Variants in CACNA2D1 observed in about 807,000 individuals in gnomAD.
CACNA2D1 encodes the protein voltage-dependent calcium channel subunit alpha-2/delta-1.
Under a neutral mutation model 171.5 loss-of-function variants are expected in CACNA2D1, and 53 were observed. That is an observed-to-expected ratio of 0.31 (90% CI 0.25 to 0.39). The LOEUF is 0.39. CACNA2D1 is among the 10% of genes least tolerant of loss of function. The pLI, the probability that CACNA2D1 is intolerant of heterozygous loss-of-function variation, is 1.00. For missense variants in CACNA2D1, 903 were observed against 1,299.8 expected (o/e 0.69, Z 4.69); for synonymous variants, 442 against 443.1 (o/e 1.00, Z 0.03).
chr7:82,334,409 C>T (rs1270476332), intron 3 of CACNA2D1, among the ~76,000 whole-genome samples: 1 of 152,034 alleles, frequency 6.6e-6, no homozygotes, highest in Non-Finnish European at 1.5e-5. Context: ...TAATAGTATC[C>T]ATCTGGAATA....
At chr7:82,071,384 T>C (rs1808303682) in intron 7 of CACNA2D1, among the ~76,000 whole-genome samples, 1 of 152,180 alleles carries the variant, frequency 6.6e-6, no homozygotes, top group Non-Finnish European at 1.5e-5. Context: ...TCTGTATTTC[T>C]CACTCTCATT....
chr7:81,997,914 A>G (rs1798208898), intron 18 of CACNA2D1, among the ~76,000 whole-genome samples: 1 of 151,996 alleles, frequency 6.6e-6, no homozygotes. Flanking sequence ...TACTAGGATA[A>G]TAACCCCTGG....
intron 3 of CACNA2D1, among the ~76,000 whole-genome samples, chr7:82,300,668 G>A (rs1281555744): frequency 1.3e-5 from 2 of 152,094 alleles, no homozygotes; most frequent in African/African-American, 2.4e-5. Context: ...ACCAAAGGAA[G>A]AAGGCTTCTT....
intron 29 of CACNA2D1, among the ~76,000 whole-genome samples, chr7:81,967,910 G>T (rs1012319105): frequency 2.0e-5 from 3 of 151,404 alleles, no homozygotes; most frequent in African/African-American, 7.3e-5. Context: ...ATAAAAAACA[G>T]TAGTGTCAGG....
intron 6 of CACNA2D1, among the ~76,000 whole-genome samples, chr7:82,091,649 T>C (rs1811179135): frequency 6.6e-6 from 1 of 152,206 alleles, no homozygotes; most frequent in Admixed American, 6.5e-5. Context: ...AATAAAATGA[T>C]AATTGTAAGA....
intron 3 of CACNA2D1, among the ~76,000 whole-genome samples, chr7:82,216,038 A>G (rs2129236195): frequency 6.6e-6 from 1 of 152,310 alleles, no homozygotes; most frequent in African/African-American, 2.4e-5. Flanking sequence ...CCTCTAACTG[A>G]GATCTTTCTG....
At chr7:82,265,691 C>T (rs1245538193) in intron 3 of CACNA2D1, among the ~76,000 whole-genome samples, 1 of 151,962 alleles carries the variant, frequency 6.6e-6, no homozygotes, top group Admixed American at 6.6e-5. Context: ...TTAGCTGTCT[C>T]GAAGATGAAT....
intron 1 of CACNA2D1, among the ~76,000 whole-genome samples, chr7:82,425,452 T>C (rs942761664): frequency 1.3e-5 from 2 of 152,076 alleles, no homozygotes; most frequent in Non-Finnish European, 2.9e-5. Flanking sequence ...ATTCAGTTTG[T>C]GGCAGTATGC....
rs368177507 is a variant in CACNA2D1, at chr7:81,962,395, A to C, written c.2836+45T>G. The stretch of plus-strand genomic sequence containing the variant: ...GAACTTCAAGCACATCCCAAAAGAA[A>C]ATTTTTATTGTTATGGCAATGACAA... On this transcript the variant is annotated intron_variant, in intron 35 of 38. Transcript: ENST00000356860. 7.2e-5 allele frequency: 105 copies of C among 1,453,886 alleles called. No homozygotes were observed. The African/African-American group carries it at 1.3e-3, about 18-fold the overall frequency. The allele number at this position is 1,453,886 out of a possible 1,614,324, so 90.1% of individuals were successfully genotyped here.
chr7:82,352,042 T>C (rs1231824439), intron 1 of CACNA2D1, among the ~76,000 whole-genome samples: 1 of 152,226 alleles, frequency 6.6e-6, no homozygotes, highest in Non-Finnish European at 1.5e-5. Context: ...ACCCAAAACA[T>C]GTATTCTAAC....
chr7:82,442,450 G>A (rs1325618569), intron 1 of CACNA2D1, among the ~76,000 whole-genome samples: 1 of 151,982 alleles, frequency 6.6e-6, no homozygotes, highest in African/African-American at 2.4e-5. Flanking sequence ...TAGGCTATTC[G>A]GTGCATTAAA....
At chr7:82,092,547 T>G (rs1193567729) in intron 6 of CACNA2D1, among the ~76,000 whole-genome samples, 8 of 64,858 alleles carry the variant, frequency 1.2e-4, no homozygotes, top group African/African-American at 2.6e-4. Context: ...TAACTTTTTT[T>G]TTTTTTTTTT....
At chr7:82,225,144 T>G (rs574907780) in intron 3 of CACNA2D1, among the ~76,000 whole-genome samples, 1 of 152,176 alleles carries the variant, frequency 6.6e-6, no homozygotes, top group African/African-American at 2.4e-5. Context: ...TAAGAAACAA[T>G]AAGAATTATG....
At chr7:82,196,799 T>C (rs1226848349) in intron 3 of CACNA2D1, among the ~76,000 whole-genome samples, 10 of 151,570 alleles carry the variant, frequency 6.6e-5, no homozygotes, top group African/African-American at 2.2e-4. Flanking sequence ...GAAACTGAGG[T>C]AGTTCTCATC....
rs1056958266 is a variant in CACNA2D1, at chr7:82,136,542, A to G, written c.396+93T>C. 7.1e-6 allele frequency: 7 copies of G among 990,256 alleles called. No homozygotes were observed. In the African/African-American group the frequency reaches 1.0e-4, roughly 14 times the overall value. The allele number at this position is 990,256 out of a possible 1,614,324, so 61.3% of individuals were successfully genotyped here. A position where few individuals can be genotyped will look rare whatever the true frequency, so the allele number is the denominator to read the frequency against. On this transcript the variant is annotated intron_variant, in intron 5 of 38. Transcript: ENST00000356860. ...GCTCATGCAGTCTAACATTGTCTTAAAAACTAAAACTGCTAGCTCAATTTA... is the reference window on the plus strand; with the variant it reads ...GCTCATGCAGTCTAACATTGTCTTAGAAACTAAAACTGCTAGCTCAATTTA...
In CACNA2D1 at chr7:81,959,739, G is replaced by A; in HGVS notation, c.3057C>T (p.Leu1019=). 6.2e-7 allele frequency: 1 copy of A among 1,612,588 alleles called. No homozygotes were observed. Among genetic ancestry groups the A allele is most frequent in the African/African-American group, 1.3e-5 (1 of 74,976 alleles). The change falls in exon 37 of 39, where the codon CTC becomes CTT. Residue 1019 remains leucine, a synonymous_variant. Transcript: ENST00000356860. ...GGATACAAGTCTGCTCCGCTTGTAT[G>A]AGCAGTCGTGTGTCACATGGACATG... ...KGTCPCDTRL[L]IQAEQTSDGP... is the part of the protein sequence containing the mutation.
intron 3 of CACNA2D1, among the ~76,000 whole-genome samples, chr7:82,224,180 A>G (rs1802090621): frequency 6.6e-6 from 1 of 152,236 alleles, no homozygotes; most frequent in Admixed American, 6.5e-5. Context: ...TATTTGCTGA[A>G]TAAATAAATA....
At chr7:82,355,173 T>C (rs964404729) in intron 1 of CACNA2D1, among the ~76,000 whole-genome samples, 1 of 152,122 alleles carries the variant, frequency 6.6e-6, no homozygotes, top group Admixed American at 6.6e-5. Flanking sequence ...AACAAAATCC[T>C]AAAATCATTG....
intron 3 of CACNA2D1, among the ~76,000 whole-genome samples, chr7:82,330,124 A>G (rs1038072745): frequency 1.3e-5 from 2 of 152,044 alleles, no homozygotes; most frequent in Admixed American, 6.6e-5. Flanking sequence ...AAAGGTTTTG[A>G]TATCGTTTTA....
Sources: allele counts gnomAD v4.1 joint callset (sites outside exome capture counted in the v4.1 genomes callset), GRCh38; gene constraint gnomAD v4.1.1; transcripts MANE v1.5; gene names NCBI Gene and HGNC (gene_info 2026-07-23, HGNC 2026-07-21).